TONSL: variants seen among roughly 807,000 people sequenced by gnomAD.
TONSL encodes the protein tonsoku-like protein.
A neutral mutation model predicts 147.1 loss-of-function variants in TONSL; 112 were observed. The ratio of observed to expected loss-of-function variants is 0.76; its 90% confidence interval spans 0.65 to 0.89. TONSL has a LOEUF of 0.89. Among genes scored for constraint, TONSL ranks in the 40% least tolerant of loss-of-function variants. The pLI is 0.00. For missense variants in TONSL, 1,883 were observed against 1,864.6 expected, an observed-to-expected ratio of 1.01 and a Z score of -0.18; for synonymous variants, 868 against 801.5, an observed-to-expected ratio of 1.08 and a Z score of -1.40.
In TONSL at chr8:144,429,131, G is replaced by T. The variant is rs1564724081; in HGVS notation, c.*12C>A. 1 of 1,515,194 alleles carries T rather than the reference G, an allele frequency of 6.6e-7. No homozygotes were observed. Among genetic ancestry groups the T allele is most frequent in the Non-Finnish European group, 8.8e-7 (1 of 1,136,802 alleles). 93.9% of individuals were successfully genotyped at this position (1,515,194 alleles called of 1,614,324 possible). A position where few individuals can be genotyped will look rare whatever the true frequency, so the allele number is the denominator to read the frequency against. ...GGGGCTTCGGTGAGGGTGGGGAAAG[G>T]CAGCGCCAGGGTCAGAGGCGCCGAA... is the stretch of plus-strand genomic sequence containing the variant. On this transcript the variant is annotated 3_prime_UTR_variant, in exon 26 of 26. Transcript: ENST00000409379.
At position 144,436,204 on chromosome 8, in the gene TONSL, G is replaced by A. The variant is rs1049867077; in HGVS notation, c.2229C>T (p.Ser743=). 1 of 1,532,498 alleles carries A rather than the reference G, an allele frequency of 6.5e-7. No individual in the cohort carries two copies. Among genetic ancestry groups the A allele is most frequent in the African/African-American group, 1.4e-5 (1 of 73,104 alleles). The allele number at this position is 1,532,498 out of a possible 1,614,324, so 94.9% of individuals were successfully genotyped here. Residue 743 remains serine (S), a synonymous_variant, in exon 17 of 26, where the codon AGC becomes AGT. Coordinates refer to ENST00000409379, the MANE Select transcript of TONSL (RefSeq NM_013432.5). ...GGCCTGCGCTGTCCTCGCCTTCTGA[G>A]CTGCTGCTGCTGCTGGCTGGCCCAT... ...SRHGPASSSS[S]SEGEDSAGPA...
At chr8:144,438,834 A>G (rs1436440427) in intron 11 of TONSL, 99 bp from the exon 12 acceptor site, 1 of 1,293,694 alleles carries the variant, frequency 7.7e-7, no homozygotes, top group African/African-American at 1.5e-5. Flanking sequence ...GGTACAAAGG[A>G]GCCAGAGACG....
Position 144,434,162 on chromosome 8 carries a change from A to C in TONSL, c.3203T>G (p.Leu1068Arg), listed in dbSNP as rs1554879369. The change falls in exon 21 of 26, where the codon CTG becomes CGG. Residue 1068 changes from leucine (L) to arginine (R), a missense_variant. By Grantham distance (102) the Leu-to-Arg change is moderately radical. Coordinates refer to ENST00000409379, the MANE Select transcript of TONSL (RefSeq NM_013432.5). The stretch of plus-strand genomic sequence containing the variant: ...GCGCAGCTCCCGGAGTGCTGTGTGC[A>C]GCTTGAGGGCCCGCAGCAGGGGTGT... ...QLTPLLRALK[L>R]HTALRELRLA... 6.8e-6 allele frequency: 11 copies of C among 1,609,304 alleles called. No homozygotes were observed. Among genetic ancestry groups the C allele is most frequent in the Non-Finnish European group, 9.3e-6 (11 of 1,177,696 alleles).
chr8:144,435,451 G>A, intron 18 of TONSL, 23 bp downstream of exon 18: 1 of 1,528,972 alleles, frequency 6.5e-7, no homozygotes, highest in Non-Finnish European at 8.8e-7. Flanking sequence ...GTGGGCTGCG[G>A]GGTAGGGCAG....
Position 144,435,098 on chromosome 8 carries a change from C to A in TONSL, c.2925G>T (p.Leu975=). ...AQRYYQTCGL[L]PRLTLRKEGA... ...CCTCTTTCCGTAGGGTGAGCCTGGGCAGCAGCCCGCAGGTCTGGTAGTAGC... is the reference window on the plus strand; with the variant it reads ...CCTCTTTCCGTAGGGTGAGCCTGGGAAGCAGCCCGCAGGTCTGGTAGTAGC... Residue 975 remains leucine, a synonymous_variant, in exon 19 of 26, where the codon CTG becomes CTT. Transcript: ENST00000409379. 1 of 1,600,952 alleles carries A rather than the reference C, an allele frequency of 6.2e-7. No homozygotes were observed. The highest frequency in any genetic ancestry group is 1.7e-5 in the Admixed American group (1 of 58,400).
Position 144,441,773 on chromosome 8 carries a change from C to T in TONSL, c.865+264G>A, listed in dbSNP as rs938774168. ...AGTTTGCCAATGAAGATGGTGGCTG[C>T]GAAATAAAAGCCCAGCTGGTCTCCT... On this transcript the variant is annotated intron_variant, in intron 7 of 25. Coordinates refer to ENST00000409379, the MANE Select transcript of TONSL (RefSeq NM_013432.5). 60 of 419,948 alleles carry T rather than the reference C, an allele frequency of 1.4e-4. No individual in the cohort carries two copies. The East Asian group carries it at 2.2e-3, about 15-fold the overall frequency. 26.0% of individuals were successfully genotyped at this position (419,948 alleles called of 1,614,324 possible). A position where few individuals can be genotyped will look rare whatever the true frequency, so the allele number is the denominator to read the frequency against.
chr8:144,432,631 G>A (rs1482846134), intron 22 of TONSL, 171 bp from the exon 23 acceptor site: 4 of 648,764 alleles, frequency 6.2e-6, no homozygotes, highest in Non-Finnish European at 9.4e-6. Flanking sequence ...TCCCAGCTGG[G>A]AGGGCGGGGC....
chr8:144,443,309 A>G lies in TONSL; in HGVS notation c.277T>C (p.Tyr93His). 4 of 1,550,012 alleles carry G rather than the reference A, an allele frequency of 2.6e-6. No individual in the cohort carries two copies. The highest frequency in any genetic ancestry group is 3.5e-6 in the Non-Finnish European group (4 of 1,146,560). Reference sequence around the variant, plus strand: ...CGCAGGGAATGTGCCAGCTCCAGGTACTGGTGCTGGTGCTGAGTGTGGAAG... The same window carrying G: ...CGCAGGGAATGTGCCAGCTCCAGGTGCTGGTGCTGGTGCTGAGTGTGGAAG... Reference protein sequence around the residue: ...YPAALQHQHQYLELAHSLRNH... With the variant: ...YPAALQHQHQHLELAHSLRNH... The change falls in exon 4 of 26, where the codon TAC becomes CAC. Residue 93 changes from tyrosine to histidine, a missense_variant. Transcript: ENST00000409379.
rs1286100531 is a variant in TONSL at position 144,438,329 on chromosome 8, C to T, written c.1653+142G>A. ...GAAGTGATCCTCCTGCCTCTAGGAC[C>T]ACAGGCAAGTGCCACCATGCTTGCT... On this transcript the variant is annotated intron_variant, in intron 13 of 25. Coordinates refer to ENST00000409379, the MANE Select transcript of TONSL (RefSeq NM_013432.5). The T allele has an allele frequency of 6.4e-6, 5 of 777,234 alleles. No homozygotes were observed. The African/African-American group carries it at 6.9e-5, about 11-fold the overall frequency. The allele number at this position is 777,234 out of a possible 1,614,324, so 48.1% of individuals were successfully genotyped here.
intron 11 of TONSL, among the ~76,000 whole-genome samples, chr8:144,439,657 G>A (rs1219964685): frequency 1.3e-5 from 2 of 152,238 alleles, no homozygotes; most frequent in South Asian, 2.1e-4. Flanking sequence ...GCCTCTGGAG[G>A]AAACCCAAGC....
chr8:144,441,885 C>T (rs1183754831), intron 7 of TONSL, 152 bp downstream of exon 7: 2 of 612,490 alleles, frequency 3.3e-6, no homozygotes, highest in African/African-American at 1.9e-5. Context: ...GGGTACCTGC[C>T]CCTCTTGCTG....
At chr8:144,431,881 T>C (rs1554878746) in intron 23 of TONSL, among the ~76,000 whole-genome samples, 1 of 148,068 alleles carries the variant, frequency 6.8e-6, no homozygotes, top group Non-Finnish European at 1.5e-5. Flanking sequence ...CCAGGCTGGG[T>C]GCAATGGTGC....
chr8:144,440,498 G>C (rs781185653), intron 9 of TONSL, 22 bp from the exon 10 acceptor site: 2 of 1,575,782 alleles, frequency 1.3e-6, no homozygotes. Context: ...GGAAGGACAG[G>C]GTCGGGGGCT....
At chr8:144,443,380 G>A (rs1823791628) in intron 3 of TONSL, 59 bp from the exon 4 acceptor site, 43 of 1,469,406 alleles carry the variant, frequency 2.9e-5, no homozygotes, top group Non-Finnish European at 3.7e-5. Context: ...AACCGGCACC[G>A]CCAGATTCCC....
In TONSL at chr8:144,435,923, TCCAGCCAGTCC is replaced by T; in HGVS notation, c.2499_2509del (p.Asp834AlafsTer24). On this transcript the variant is annotated frameshift_variant, in exon 17 of 26. Coordinates refer to ENST00000409379, the MANE Select transcript of TONSL (RefSeq NM_013432.5). LOFTEE classifies it high-confidence loss of function. ...GCTGCGGGTCAGGGGCATGTCCAGC[TCCAGCCAGTCC>T]CCGGCCAGGCACTCCTCCTCCGGGA... 1 of 1,577,018 alleles carries T rather than the reference TCCAGCCAGTCC, an allele frequency of 6.3e-7. No homozygotes were observed. Among genetic ancestry groups the T allele is most frequent in the Non-Finnish European group, 8.6e-7 (1 of 1,158,706 alleles).
chr8:144,442,295 C>A lies in TONSL; in HGVS notation c.696G>T (p.Ala232=). 1 of 1,598,556 alleles carries A rather than the reference C, an allele frequency of 6.3e-7. No individual in the cohort carries two copies. The part of the protein sequence containing the change: ...MRCLEGAREC[A]HTMRKRFMES... ...CCATGAACCGCTTCCTCATGGTGTG[C>A]GCACACTCCCGGGCACCCTCCAAGC... Residue 232 remains alanine (A), a synonymous_variant, in exon 6 of 26, where the codon GCG becomes GCT. Transcript: ENST00000409379.
Position 144,434,194 on chromosome 8 carries a change from G to A in TONSL, c.3171C>T (p.Ala1057=). The A allele has an allele frequency of 6.3e-7, 1 of 1,592,314 alleles. No homozygotes were observed. Among genetic ancestry groups the A allele is most frequent in the Non-Finnish European group, 8.6e-7 (1 of 1,166,434 alleles). ...GGGCCCGCAGCAGGGGTGTAAGCTGGGCCTGGTCCAGGGCCAGGGAGCAGG... is the reference window on the plus strand; with the variant it reads ...GGGCCCGCAGCAGGGGTGTAAGCTGAGCCTGGTCCAGGGCCAGGGAGCAGG... ...FSACSLALDQ[A]QLTPLLRALK... Residue 1057 remains alanine (A), a synonymous_variant, in exon 21 of 26, where the codon GCC becomes GCT. Coordinates refer to ENST00000409379, the MANE Select transcript of TONSL (RefSeq NM_013432.5).
chr8:144,432,453 C>G lies in TONSL; in HGVS notation c.3567G>C (p.Glu1189Asp). ...AGGACAGGGACAGGGTCTTCAGGTG[C>G]TCAGCATCTGCACCGGGGCCAGAAT... ...TALGSAFQDA[E>D]HLKTLSLSYN... The change falls in exon 23 of 26, where the codon GAG becomes GAC. Residue 1189 changes from glutamate to aspartate, a missense_variant. By Grantham distance (45) the Glu-to-Asp change is conservative. Transcript: ENST00000409379. 6.5e-7 allele frequency: 1 copy of G among 1,543,352 alleles called. No homozygotes were observed. Among genetic ancestry groups the G allele is most frequent in the Non-Finnish European group, 8.7e-7 (1 of 1,146,612 alleles).
At chr8:144,436,983 C>T (rs199684341) in intron 14 of TONSL, 44 bp downstream of exon 14, 467 of 1,613,044 alleles carry the variant, frequency 2.9e-4, no homozygotes, top group Non-Finnish European at 3.7e-4. Context: ...CTTCGCCCCA[C>T]GTGTCCACCA....
Sources: gnomAD v4.1 joint callset for allele counts (sites outside exome capture counted in the v4.1 genomes callset) on GRCh38, gnomAD v4.1.1 for gene constraint, MANE v1.5 for transcripts, NCBI Gene and HGNC (gene_info 2026-07-23, HGNC 2026-07-21) for gene names.